The following RABGAP1L variants were observed in gnomAD, a reference collection of about 807,000 sequenced individuals.
The protein encoded by RABGAP1L is rab GTPase-activating protein 1-like.
In RABGAP1L, 63 loss-of-function variants were observed where a neutral mutation model predicts 137.7. The observed-to-expected ratio is 0.46, with a 90% CI of 0.37 to 0.56. RABGAP1L has a LOEUF of 0.56. RABGAP1L is among the 20% of genes least tolerant of loss of function. The pLI, the probability that RABGAP1L is intolerant of heterozygous loss-of-function variation, is 0.00. For missense variants in RABGAP1L, 1,095 were observed against 1,244.0 expected (o/e 0.88, Z 1.80); for synonymous variants, 431 against 433.7 (o/e 0.99, Z 0.08).
At chr1:174,869,222 C>T (rs1448090443) in intron 19 of RABGAP1L, among the ~76,000 whole-genome samples, 2 of 152,124 alleles carry the variant, frequency 1.3e-5, no homozygotes, top group African/African-American at 2.4e-5. Context: ...TGGATGATGA[C>T]ATGGTTTGGC....
chr1:174,946,915 AAAATAT>A (rs1459060057), intron 19 of RABGAP1L, among the ~76,000 whole-genome samples: 6 of 53,924 alleles, frequency 1.1e-4, no homozygotes, highest in Non-Finnish European at 1.9e-4. Context: ...AAAAAAAAAA[AAAATAT>A]ATATATATAT....
chr1:174,712,833 G>T (rs965076901), intron 17 of RABGAP1L, among the ~76,000 whole-genome samples: 1 of 152,148 alleles, frequency 6.6e-6, no homozygotes, highest in Non-Finnish European at 1.5e-5. Flanking sequence ...CCATCAGTCA[G>T]TGGCCTGCTG....
intron 11 of RABGAP1L, among the ~76,000 whole-genome samples, chr1:174,335,443 T>C (rs934860629): frequency 3.3e-5 from 5 of 152,244 alleles, no homozygotes; most frequent in African/African-American, 1.2e-4. Flanking sequence ...AAGGTATCTT[T>C]GCCTATCTTT....
chr1:174,679,766 A>G (rs1677911393), intron 14 of RABGAP1L, among the ~76,000 whole-genome samples: 1 of 152,260 alleles, frequency 6.6e-6, no homozygotes, highest in African/African-American at 2.4e-5. Context: ...AAATTTACTT[A>G]TAGATTCAAC....
chr1:174,441,793 A>G (rs2149232398), intron 13 of RABGAP1L, among the ~76,000 whole-genome samples: 1 of 152,116 alleles, frequency 6.6e-6, no homozygotes, highest in South Asian at 2.1e-4. Flanking sequence ...TAGCTAGTAC[A>G]GTCAGTTGCT....
intron 13 of RABGAP1L, among the ~76,000 whole-genome samples, chr1:174,622,616 A>G (rs1054830470): frequency 6.6e-6 from 1 of 152,178 alleles, no homozygotes; most frequent in Non-Finnish European, 1.5e-5. Context: ...AGAAAACCAA[A>G]CACCGCATGT....
At chr1:174,626,445 A>G (rs114971640) in intron 13 of RABGAP1L, among the ~76,000 whole-genome samples, 3,268 of 152,214 alleles carry the variant, frequency 0.021, 122 homozygotes, top group African/African-American at 0.075. Context: ...TCTCCTCTCT[A>G]CACGCCTCCC....
rs910381200 is a variant in RABGAP1L at position 174,761,797 on chromosome 1, C to T, written c.2211+9443C>T. Among the ~76,000 whole-genome samples, 1 of 152,154 alleles carries T rather than the reference C, an allele frequency of 6.6e-6. No homozygotes were observed. Among genetic ancestry groups the T allele is most frequent in the African/African-American group, 2.4e-5 (1 of 41,426 alleles). On this transcript the variant is annotated intron_variant, in intron 18 of 25. Transcript: ENST00000681986. The surrounding 1 kb of genome is among the most constrained non-coding windows in gnomAD (Gnocchi z 4.0). ...TTCAATTACATTCCACCAAGTTCCT[C>T]CCACAACACATGGGAATTGTGGGAG...
At chr1:174,478,127 C>T (rs1658696552) in intron 13 of RABGAP1L, among the ~76,000 whole-genome samples, 2 of 151,540 alleles carry the variant, frequency 1.3e-5, no homozygotes, top group African/African-American at 2.4e-5. Flanking sequence ...TTCTATTTTC[C>T]CCGTCTAGTT....
chr1:174,432,944 T>A (rs1288335725), intron 13 of RABGAP1L, among the ~76,000 whole-genome samples: 2 of 152,236 alleles, frequency 1.3e-5, no homozygotes, highest in Non-Finnish European at 2.9e-5. Context: ...GCATGTTACC[T>A]GTGGTTGCAG....
chr1:174,657,049 A>T (rs771750056), intron 14 of RABGAP1L, among the ~76,000 whole-genome samples: 2 of 152,182 alleles, frequency 1.3e-5, no homozygotes, highest in Non-Finnish European at 2.9e-5. Flanking sequence ...CTAAGTTCTC[A>T]GAAATATATC....
chr1:174,364,810 T>G (rs1249607584), intron 11 of RABGAP1L, among the ~76,000 whole-genome samples: 1 of 152,140 alleles, frequency 6.6e-6, no homozygotes, highest in East Asian at 1.9e-4. Flanking sequence ...CAGTGGTGGT[T>G]GTTCAGGGCC....
intron 7 of RABGAP1L, among the ~76,000 whole-genome samples, chr1:174,268,724 G>T (rs1674294861): frequency 6.6e-6 from 1 of 152,070 alleles, no homozygotes. Context: ...GTCTAAAGCC[G>T]TATTAGTGAT....
At chr1:174,336,877 G>C (rs1192251885) in intron 11 of RABGAP1L, among the ~76,000 whole-genome samples, 1 of 143,198 alleles carries the variant, frequency 7.0e-6, no homozygotes, top group Non-Finnish European at 1.5e-5. Flanking sequence ...GTGTGTGTGT[G>C]TGTGTGTGAG....
intron 18 of RABGAP1L, among the ~76,000 whole-genome samples, chr1:174,763,676 A>AT (rs1685429902): frequency 7.1e-6 from 1 of 140,642 alleles, no homozygotes; most frequent in Non-Finnish European, 1.5e-5. Context: ...AAAAAAAAAA[A>AT]AAAAAAAAAA....
chr1:174,697,539 G>A (rs1051110708), intron 15 of RABGAP1L, among the ~76,000 whole-genome samples: 2 of 152,042 alleles, frequency 1.3e-5, no homozygotes, highest in Non-Finnish European at 1.5e-5. Context: ...GGCTAGTCTC[G>A]AACTCCTGAC....
intron 4 of RABGAP1L, among the ~76,000 whole-genome samples, chr1:174,237,164 C>T (rs1304871555): frequency 6.6e-6 from 1 of 151,560 alleles, no homozygotes; most frequent in East Asian, 1.9e-4. Flanking sequence ...CTATGTGTGT[C>T]TCTGCACGTG....
rs553726315 is a variant in RABGAP1L at position 174,582,354 on chromosome 1, T to G, written c.1711-55021T>G. Among the ~76,000 whole-genome samples the G allele has an allele frequency of 3.3e-5, 5 of 152,162 alleles. No homozygotes were observed. The South Asian group carries it at 1.0e-3, about 32-fold the overall frequency. On this transcript the variant is annotated intron_variant, in intron 13 of 25. Coordinates refer to ENST00000681986, the MANE Select transcript of RABGAP1L (RefSeq NM_001366446.1). ...GAAAAAAAATCATTAGTGAACATCT[T>G]GAAGTTGAGGCTTTGTGTATGAAAA...
At chr1:174,464,487 T>C (rs1373079061) in intron 13 of RABGAP1L, among the ~76,000 whole-genome samples, 1 of 152,218 alleles carries the variant, frequency 6.6e-6, no homozygotes, top group Admixed American at 6.5e-5. Flanking sequence ...TTCATAAAAA[T>C]TGAAACCTGA....
Sources: allele counts gnomAD v4.1 joint callset (sites outside exome capture counted in the v4.1 genomes callset), GRCh38; gene constraint gnomAD v4.1.1; non-coding constraint Gnocchi (gnomAD v3.1); transcripts MANE v1.5; gene names NCBI Gene and HGNC (gene_info 2026-07-23, HGNC 2026-07-21).